Variants in CDH12 observed in about 807,000 individuals in gnomAD.
CDH12 encodes the protein cadherin 12.
In CDH12, 41 loss-of-function variants were observed where a neutral mutation model predicts 74.1. The ratio of observed to expected loss-of-function variants is 0.55; its 90% CI spans 0.43 to 0.72. The LOEUF is 0.72. CDH12 is among the 30% of genes least tolerant of loss of function. The pLI is 0.00. For missense variants in CDH12, 945 were observed against 977.2 expected, an observed-to-expected ratio of 0.97 and a Z score of 0.44; for synonymous variants, 399 against 355.0, an observed-to-expected ratio of 1.12 and a Z score of -1.39.
intron 1 of CDH12, among the ~76,000 whole-genome samples, chr5:22,625,970 A>T (rs1738268607): frequency 6.6e-6 from 1 of 151,840 alleles, no homozygotes; most frequent in Non-Finnish European, 1.5e-5. Flanking sequence ...CCCCTCCTCC[A>T]ATGGCATGTG....
chr5:22,458,342 T>C (rs1379834665), intron 2 of CDH12, among the ~76,000 whole-genome samples: 1 of 152,192 alleles, frequency 6.6e-6, no homozygotes, highest in African/African-American at 2.4e-5. Context: ...AATATTGGAT[T>C]AGATCCCATC....
At chr5:22,303,116 A>C (rs1006768582) in intron 3 of CDH12, among the ~76,000 whole-genome samples, 1 of 152,162 alleles carries the variant, frequency 6.6e-6, no homozygotes. Flanking sequence ...TGAAGATAGT[A>C]TATCTGATTA....
At chr5:22,211,721 T>C (rs959493748) in intron 4 of CDH12, among the ~76,000 whole-genome samples, 21 of 151,812 alleles carry the variant, frequency 1.4e-4, no homozygotes, top group African/African-American at 5.1e-4. Flanking sequence ...AATGTAAGCT[T>C]CACTTCAATT....
chr5:22,282,432 G>T (rs1264641935), intron 3 of CDH12, among the ~76,000 whole-genome samples: 1 of 152,092 alleles, frequency 6.6e-6, no homozygotes, highest in Admixed American at 6.5e-5. Context: ...CACAGCAAAA[G>T]AAACTATCAT....
At chr5:22,005,597 G>A (rs1298692237) in intron 5 of CDH12, among the ~76,000 whole-genome samples, 2 of 149,894 alleles carry the variant, frequency 1.3e-5, no homozygotes, top group Non-Finnish European at 1.5e-5. Context: ...AAAACCCACT[G>A]GCCATTTTCT....
At chr5:21,797,122 C>A (rs1249974723) in intron 10 of CDH12, among the ~76,000 whole-genome samples, 3 of 151,882 alleles carry the variant, frequency 2.0e-5, no homozygotes, top group Non-Finnish European at 2.9e-5. Context: ...CCTGAGAGAA[C>A]CTTTCTTCAA....
chr5:22,360,688 A>G (rs1258036502), intron 3 of CDH12, among the ~76,000 whole-genome samples: 1 of 152,180 alleles, frequency 6.6e-6, no homozygotes, highest in East Asian at 1.9e-4. Flanking sequence ...TCAATAAAAT[A>G]CTGGCAAACT....
intron 1 of CDH12, among the ~76,000 whole-genome samples, chr5:22,641,168 A>C (rs1332012567): frequency 6.6e-6 from 1 of 152,162 alleles, no homozygotes; most frequent in Non-Finnish European, 1.5e-5. Context: ...GCTGTCTGCA[A>C]ACTGAAGCCC....
At chr5:22,207,734 AGG>A (rs1301887951) in intron 4 of CDH12, among the ~76,000 whole-genome samples, 9 of 152,202 alleles carry the variant, frequency 5.9e-5, no homozygotes, top group African/African-American at 2.4e-5. Context: ...TAAATCCAAC[AGG>A]ACCCCCAAAA....
intron 6 of CDH12, among the ~76,000 whole-genome samples, chr5:21,956,665 T>G (rs1756113096): frequency 6.6e-6 from 1 of 152,110 alleles, no homozygotes; most frequent in Non-Finnish European, 1.5e-5. Context: ...TTTCTTCTGT[T>G]ACTTCTATTT....
chr5:22,027,722 T>C (rs1322817782), intron 5 of CDH12, among the ~76,000 whole-genome samples: 1 of 152,190 alleles, frequency 6.6e-6, no homozygotes, highest in Non-Finnish European at 1.5e-5. Context: ...TTTATTAGTC[T>C]TGCTAGTGGT....
At chr5:21,863,666 G>T (rs1751171863) in intron 6 of CDH12, among the ~76,000 whole-genome samples, 1 of 152,094 alleles carries the variant, frequency 6.6e-6, no homozygotes, top group South Asian at 2.1e-4. Flanking sequence ...TAAATTGGGG[G>T]TTCTGCTGAT....
chr5:22,547,379 A>G (rs1738380826), intron 1 of CDH12, among the ~76,000 whole-genome samples: 1 of 152,144 alleles, frequency 6.6e-6, no homozygotes, highest in Non-Finnish European at 1.5e-5. Flanking sequence ...CTGGCCGGTG[A>G]TTCAGAATGC....
chr5:22,455,500 A>G (rs189662341), intron 2 of CDH12, among the ~76,000 whole-genome samples: 1 of 151,268 alleles, frequency 6.6e-6, no homozygotes, highest in African/African-American at 2.5e-5. Context: ...GAAGTCAGCA[A>G]TTTGATTTTA....
At chr5:21,759,415 C>CTAAATAAA (rs370887379) in intron 13 of CDH12, among the ~76,000 whole-genome samples, 2,463 of 151,544 alleles carry the variant, frequency 0.016, 60 homozygotes, top group African/African-American at 0.055. Context: ...CTCCCTCCCT[C>CTAAATAAA]TAAATAAATA....
chr5:22,066,227 T>C (rs1334317136), intron 5 of CDH12, among the ~76,000 whole-genome samples: 1 of 152,174 alleles, frequency 6.6e-6, no homozygotes, highest in Non-Finnish European at 1.5e-5. Context: ...GTAAGTTCTT[T>C]AGCGGTGATT....
intron 1 of CDH12, among the ~76,000 whole-genome samples, chr5:22,773,302 A>C (rs1411844399): frequency 6.6e-6 from 1 of 152,140 alleles, no homozygotes; most frequent in African/African-American, 2.4e-5. Flanking sequence ...GGACAAAAAC[A>C]GACACATAGA....
chr5:21,909,992 G>A (rs1238434330), intron 6 of CDH12, among the ~76,000 whole-genome samples: 2 of 152,048 alleles, frequency 1.3e-5, no homozygotes, highest in Non-Finnish European at 2.9e-5. Flanking sequence ...CTTTGGTCAC[G>A]GAGAGAAAAT....
At chr5:22,421,266 G>A (rs1411361610) in intron 2 of CDH12, among the ~76,000 whole-genome samples, 1 of 152,082 alleles carries the variant, frequency 6.6e-6, no homozygotes, top group Non-Finnish European at 1.5e-5. Context: ...GTATACACGT[G>A]CCATGGTGGT....
Sources: gnomAD v4.1 joint callset for allele counts (sites outside exome capture counted in the v4.1 genomes callset) on GRCh38, gnomAD v4.1.1 for gene constraint, MANE v1.5 for transcripts, NCBI Gene and HGNC (gene_info 2026-07-23, HGNC 2026-07-21) for gene names.